Variants in DLG2 observed in about 807,000 individuals in gnomAD.
DLG2 encodes the protein disks large homolog 2.
In DLG2, 45 loss-of-function variants were observed where a neutral mutation model predicts 132.5. The ratio of observed to expected loss-of-function variants is 0.34; its 90% confidence interval spans 0.27 to 0.44. The LOEUF is 0.44. DLG2 is among the 20% of genes least tolerant of loss of function. DLG2 has a pLI of 1.00. For missense variants in DLG2, 1,045 were observed against 1,196.9 expected, an observed-to-expected ratio of 0.87 and a Z score of 1.87; for synonymous variants, 424 against 419.6, an observed-to-expected ratio of 1.01 and a Z score of -0.13.
chr11:84,432,325 AAG>A (rs2154473580), intron 7 of DLG2, among the ~76,000 whole-genome samples: 1 of 152,320 alleles, frequency 6.6e-6, no homozygotes, highest in Non-Finnish European at 1.5e-5. Context: ...GTGCTGATAG[AAG>A]AGGTACAAGG....
chr11:85,338,701 ATTTTTTT>A (rs35378658), intron 3 of DLG2, among the ~76,000 whole-genome samples: 2 of 83,562 alleles, frequency 2.4e-5, no homozygotes, highest in Non-Finnish European at 4.9e-5. Flanking sequence ...TGTATAAATA[ATTTTTTT>A]TTTTTTTTTT....
At chr11:83,793,811 G>T (rs544142436) in intron 17 of DLG2, among the ~76,000 whole-genome samples, 1 of 152,160 alleles carries the variant, frequency 6.6e-6, no homozygotes, top group Admixed American at 6.5e-5. Flanking sequence ...TCTTCAAAGA[G>T]CTGTGATTAT....
chr11:84,025,557 T>C (rs1358801232), intron 11 of DLG2, among the ~76,000 whole-genome samples: 5 of 152,218 alleles, frequency 3.3e-5, no homozygotes, highest in Admixed American at 2.0e-4. Flanking sequence ...TGTTTTATTA[T>C]GGTATCATGA....
chr11:84,207,081 C>A (rs10898212), intron 8 of DLG2, among the ~76,000 whole-genome samples: 22,978 of 146,748 alleles, frequency 0.16, 1,979 homozygotes, highest in African/African-American at 0.25. Flanking sequence ...CTCTCTCTCT[C>A]TATATATATA....
intron 6 of DLG2, among the ~76,000 whole-genome samples, chr11:84,947,509 C>T (rs1276617309): frequency 6.6e-6 from 1 of 152,148 alleles, no homozygotes. Context: ...CTCCAAATTC[C>T]TCCATGCCAA....
intron 15 of DLG2, among the ~76,000 whole-genome samples, chr11:83,891,882 A>G (rs1316109867): frequency 1.3e-5 from 2 of 152,216 alleles, no homozygotes; most frequent in Non-Finnish European, 2.9e-5. Flanking sequence ...GTCTGTTTGT[A>G]TTAGCCTCAT....
intron 6 of DLG2, among the ~76,000 whole-genome samples, chr11:84,692,985 C>T (rs777904710): frequency 6.6e-5 from 10 of 151,700 alleles, no homozygotes; most frequent in South Asian, 4.1e-4. Context: ...TTAATAACTG[C>T]GCAAACTGGA....
chr11:84,541,010 G>C (rs1479510522), intron 6 of DLG2, among the ~76,000 whole-genome samples: 2 of 152,024 alleles, frequency 1.3e-5, no homozygotes, highest in Admixed American at 1.3e-4. Flanking sequence ...TTGGACACAG[G>C]GTGGGGAACA....
intron 2 of DLG2, among the ~76,000 whole-genome samples, chr11:85,611,687 A>G (rs530029316): frequency 2.3e-4 from 35 of 152,394 alleles, no homozygotes; most frequent in African/African-American, 8.2e-4. Context: ...ATGTGTATAC[A>G]GATAGCAGAT....
chr11:84,536,489 G>A (rs1311834735), intron 6 of DLG2, among the ~76,000 whole-genome samples: 1 of 152,070 alleles, frequency 6.6e-6, no homozygotes, highest in Non-Finnish European at 1.5e-5. Flanking sequence ...CCATGCTTTT[G>A]TTTATCTAAC....
chr11:84,363,194 T>C (rs1168527402), intron 7 of DLG2, among the ~76,000 whole-genome samples: 1 of 152,026 alleles, frequency 6.6e-6, no homozygotes, highest in Non-Finnish European at 1.5e-5. Context: ...TTTTTAATGA[T>C]CGCCATTCTA....
chr11:85,429,548 C>T (rs2091018425), intron 3 of DLG2, among the ~76,000 whole-genome samples: 1 of 152,094 alleles, frequency 6.6e-6, no homozygotes, highest in South Asian at 2.1e-4. Context: ...GTGGGCAAAG[C>T]ATTCAAACAG....
intron 7 of DLG2, among the ~76,000 whole-genome samples, chr11:84,522,378 A>G (rs1565183054): frequency 6.6e-6 from 1 of 152,126 alleles, no homozygotes; most frequent in Non-Finnish European, 1.5e-5. Flanking sequence ...AATGGGCCTT[A>G]AGGTCAAGGT....
chr11:84,830,951 T>G (rs374904872), intron 6 of DLG2, among the ~76,000 whole-genome samples: 1 of 60,376 alleles, frequency 1.7e-5, no homozygotes, highest in South Asian at 8.4e-4. Flanking sequence ...CTCTCTCTCC[T>G]CCCCCCACCC....
chr11:84,727,553 T>C (rs886865215), intron 6 of DLG2, among the ~76,000 whole-genome samples: 1 of 152,062 alleles, frequency 6.6e-6, no homozygotes, highest in Non-Finnish European at 1.5e-5. Flanking sequence ...CTTCTTCTTG[T>C]CCAGGATTTT....
rs1053017417 is a variant in DLG2 at position 83,546,628 on chromosome 11, C to G, written c.1941-4770G>C. On this transcript the variant is annotated intron_variant, in intron 19 of 27. Transcript: ENST00000376104. ...AAAGAGCTGAAATGAAAATAAGATACTAAGTAGCAGAACCAGGATTAAAGT... is the reference window on the plus strand; with the variant it reads ...AAAGAGCTGAAATGAAAATAAGATAGTAAGTAGCAGAACCAGGATTAAAGT... 6.6e-5 allele frequency among the ~76,000 whole-genome samples: 10 copies of G among 152,126 alleles called. No individual in the cohort carries two copies. The East Asian group carries it at 1.9e-3, about 29-fold the overall frequency.
chr11:83,971,397 C>G (rs1428625721), intron 12 of DLG2, among the ~76,000 whole-genome samples: 1 of 152,056 alleles, frequency 6.6e-6, no homozygotes, highest in African/African-American at 2.4e-5. Context: ...GGAAGGCAAA[C>G]CAGCTGAAGA....
At chr11:84,682,548 A>C (rs2099734143) in intron 6 of DLG2, among the ~76,000 whole-genome samples, 1 of 152,166 alleles carries the variant, frequency 6.6e-6, no homozygotes, top group African/African-American at 2.4e-5. Flanking sequence ...GGTTAGTACT[A>C]ACAATCAGAT....
intron 16 of DLG2, among the ~76,000 whole-genome samples, chr11:83,846,400 T>C (rs1003235171): frequency 7.9e-5 from 12 of 152,218 alleles, no homozygotes; most frequent in Non-Finnish European, 1.8e-4. Flanking sequence ...AGGGGAGACT[T>C]TGTGAATGCA....
Sources: allele counts gnomAD v4.1 joint callset (sites outside exome capture counted in the v4.1 genomes callset), GRCh38; gene constraint gnomAD v4.1.1; transcripts MANE v1.5; gene names NCBI Gene and HGNC (gene_info 2026-07-23, HGNC 2026-07-21).